Variants in ACAD10 observed in about 807,000 individuals in gnomAD.
ACAD10 encodes ACAD-10.
Under a neutral mutation model 116.8 loss-of-function variants are expected in ACAD10, and 112 were observed. The observed-to-expected ratio is 0.96, with a 90% CI of 0.82 to 1.12. The LOEUF (loss-of-function observed/expected upper bound fraction) is 1.12, where lower values mean the gene tolerates loss of function less well. Ranked by LOEUF, ACAD10 falls within the 50% of genes most tolerant of loss-of-function variation. The pLI is 0.00. For missense variants in ACAD10, 1,259 were observed against 1,350.2 expected (o/e 0.93, Z 1.06); for synonymous variants, 486 against 510.6 (o/e 0.95, Z 0.65).
At chr12:111,738,165 A>G (rs773554574) in intron 12 of ACAD10, among the ~76,000 whole-genome samples, 4 of 152,052 alleles carry the variant, frequency 2.6e-5, no homozygotes, top group African/African-American at 4.8e-5. Flanking sequence ...CCAGTCCCCA[A>G]GTCTTTAGGT....
At chr12:111,705,675 T>G in intron 3 of ACAD10, 63 bp from the exon 4 acceptor site, 6 of 1,440,218 alleles carry the variant, frequency 4.2e-6, no homozygotes, top group South Asian at 1.3e-5. Context: ...TTTTTTTCTG[T>G]TGGCCATGAG....
In ACAD10 at chr12:111,748,403, T is replaced by C; in HGVS notation, c.2572T>C (p.Leu858=). 1.2e-6 allele frequency: 2 copies of C among 1,614,176 alleles called. No homozygotes were observed. Among genetic ancestry groups the C allele is most frequent in the Non-Finnish European group, 1.7e-6 (2 of 1,180,032 alleles). ...APRHRQQSVL[L]VPMDTPGIKI... ...AAGACACCGGCAGCAGTCTGTGCTC[T>C]TGGTTCCCATGGATACCCCAGGGAT... Residue 858 remains leucine (L), a synonymous_variant, in exon 17 of 21, where the codon TTG becomes CTG. Coordinates refer to ENST00000313698, the MANE Select transcript of ACAD10 (RefSeq NM_025247.6).
intron 17 of ACAD10, chr12:111,748,832 G>C: frequency 1.5e-6 from 1 of 666,532 alleles, no homozygotes; most frequent in South Asian, 1.8e-5. Flanking sequence ...TCCGCTCCCA[G>C]TTTGGTTCTC....
At chr12:111,737,083 A>C in intron 12 of ACAD10, 79 bp downstream of exon 12, 3 of 1,450,412 alleles carry the variant, frequency 2.1e-6, no homozygotes, top group Non-Finnish European at 2.8e-6. Flanking sequence ...AAACCCTCTC[A>C]GGGCCACAGA....
rs2068081216 is a variant in ACAD10 at position 111,756,062 on chromosome 12, G to A, written c.3040-271G>A. On this transcript the variant is annotated intron_variant, in intron 20 of 20. Coordinates refer to ENST00000313698, the MANE Select transcript of ACAD10 (RefSeq NM_025247.6). The stretch of plus-strand genomic sequence containing the variant: ...GCCCAGAGCCCAGGCTCTTTCCCAT[G>A]CAGGGGGGCCGCCTCCTTAGATCCT... 7 of 1,205,514 alleles carry A rather than the reference G, an allele frequency of 5.8e-6. No individual in the cohort carries two copies. The South Asian group carries it at 1.1e-4, about 20-fold the overall frequency. The allele number at this position is 1,205,514 out of a possible 1,614,324, so 74.7% of individuals were successfully genotyped here.
intron 15 of ACAD10, 48 bp from the exon 16 acceptor site, chr12:111,747,247 C>A (rs1889936798): frequency 6.2e-7 from 1 of 1,613,142 alleles, no homozygotes; most frequent in African/African-American, 1.3e-5. Context: ...CCACAGGGAA[C>A]ACGGGCTGTC....
intron 2 of ACAD10, among the ~76,000 whole-genome samples, chr12:111,694,272 C>G (rs1349449415): frequency 6.6e-6 from 1 of 152,222 alleles, no homozygotes; most frequent in Admixed American, 6.5e-5. Flanking sequence ...TCACTCTTAT[C>G]TCTCTGTTCC....
intron 14 of ACAD10, among the ~76,000 whole-genome samples, chr12:111,746,819 A>T (rs1014365526): frequency 6.6e-5 from 10 of 152,220 alleles, no homozygotes; most frequent in Admixed American, 6.5e-4. Context: ...TGTGCAACAT[A>T]GAACTCTGTA....
At chr12:111,729,657 G>C (rs529527955) in intron 9 of ACAD10, 149 bp from the exon 10 acceptor site, 1 of 936,558 alleles carries the variant, frequency 1.1e-6, no homozygotes, top group South Asian at 1.8e-5. Context: ...GCATCATGTG[G>C]GAAATTCTCC....
intron 18 of ACAD10, 31 bp from the exon 19 acceptor site, chr12:111,753,741 G>C: frequency 6.2e-7 from 1 of 1,613,614 alleles, no homozygotes; most frequent in Non-Finnish European, 8.5e-7. Context: ...AGCCCAGCAT[G>C]TCCTCAGCCG....
intron 8 of ACAD10, 67 bp downstream of exon 8, chr12:111,721,806 C>T: frequency 7.3e-7 from 1 of 1,361,934 alleles, no homozygotes. Context: ...TATGCTAACA[C>T]AAATTCCAAT....
At chr12:111,688,018 A>T (rs1887927028) in intron 1 of ACAD10, 1 of 152,160 alleles carries the variant, frequency 6.6e-6, no homozygotes. Flanking sequence ...GGCACACAGC[A>T]CTGCACCCAG....
chr12:111,709,550 A>ATC lies in ACAD10; in HGVS notation c.558_559dup (p.Cys187SerfsTer33). ...GATTGTGGAGTCCTGCATGGAAGGG[A>ATC]TCTGTAAGCCAGACCCTAGGATCTA... On this transcript the variant is annotated frameshift_variant, in exon 5 of 21. Coordinates refer to ENST00000313698, the MANE Select transcript of ACAD10 (RefSeq NM_025247.6). LOFTEE classifies it high-confidence loss of function. The ATC allele has an allele frequency of 6.2e-7, 1 of 1,607,552 alleles. No individual in the cohort carries two copies. Among genetic ancestry groups the ATC allele is most frequent in the Non-Finnish European group, 8.5e-7 (1 of 1,177,950 alleles).
intron 14 of ACAD10, among the ~76,000 whole-genome samples, chr12:111,746,808 G>T (rs1222389289): frequency 6.6e-6 from 1 of 152,182 alleles, no homozygotes; most frequent in African/African-American, 2.4e-5. Context: ...CGACACCAGC[G>T]TGTGCAACAT....
At chr12:111,726,671 C>G (rs1889222478) in intron 8 of ACAD10, among the ~76,000 whole-genome samples, 1 of 151,594 alleles carries the variant, frequency 6.6e-6, no homozygotes, top group South Asian at 2.1e-4. Context: ...ACCATCCTGG[C>G]TAACAGAGTG....
At position 111,709,646 on chromosome 12, in the gene ACAD10, C is replaced by G; in HGVS notation, c.652C>G (p.Leu218Val). The G allele has an allele frequency of 1.2e-6, 2 of 1,613,804 alleles. No homozygotes were observed. The highest frequency in any genetic ancestry group is 1.7e-6 in the Non-Finnish European group (2 of 1,179,960). ...CTTTCTTGATGACCTTGGAACAAAT[C>G]TAAAAGAAGCTGCCAGACTTGGTAT... ...SIFLDDLGTN[L>V]KEAARLGIHT... is the part of the protein sequence containing the mutation. The change falls in exon 5 of 21, where the codon CTA becomes GTA. Residue 218 changes from leucine to valine, a missense_variant. Physicochemically the swap from Leu to Val is conservative, Grantham distance 32 (BLOSUM62 1). Coordinates refer to ENST00000313698, the MANE Select transcript of ACAD10 (RefSeq NM_025247.6).
intron 8 of ACAD10, among the ~76,000 whole-genome samples, chr12:111,722,732 CAGA>C (rs938065992): frequency 7.9e-5 from 12 of 152,242 alleles, no homozygotes; most frequent in Non-Finnish European, 1.5e-4. Context: ...GATCCCAAGG[CAGA>C]AGAAGTTTTC....
chr12:111,723,475 C>T (rs1474624851), intron 8 of ACAD10, among the ~76,000 whole-genome samples: 1 of 143,260 alleles, frequency 7.0e-6, no homozygotes, highest in African/African-American at 2.6e-5. Flanking sequence ...GGGCTGACCC[C>T]CCCGCCTCCC....
At chr12:111,705,026 A>G (rs1888459127) in intron 3 of ACAD10, among the ~76,000 whole-genome samples, 1 of 152,054 alleles carries the variant, frequency 6.6e-6, no homozygotes, top group African/African-American at 2.4e-5. Context: ...TGAATTTAAA[A>G]ACAAGAAAAA....
Sources: allele counts gnomAD v4.1 joint callset (sites outside exome capture counted in the v4.1 genomes callset), GRCh38; gene constraint gnomAD v4.1.1; transcripts MANE v1.5; gene names NCBI Gene and HGNC (gene_info 2026-07-23, HGNC 2026-07-21).